The following MYO3B variants were observed in gnomAD, a reference collection of about 807,000 sequenced individuals.
MYO3B encodes myosin IIIB.
A neutral mutation model predicts 174.6 loss-of-function variants in MYO3B; 156 were observed. The ratio of observed to expected loss-of-function variants is 0.89; its 90% CI spans 0.78 to 1.02. The LOEUF is 1.02. Among genes scored for constraint, MYO3B ranks in the 50% least tolerant of loss-of-function variants. The pLI, the probability that MYO3B is intolerant of heterozygous loss-of-function variation, is 0.00. For synonymous variants in MYO3B, 563 were observed against 569.1 expected (o/e 0.99, Z 0.15); for missense variants, 1,632 against 1,639.4 (o/e 1.00, Z 0.08).
At chr2:170,413,028 G>T (rs2105831345) in intron 22 of MYO3B, among the ~76,000 whole-genome samples, 1 of 152,184 alleles carries the variant, frequency 6.6e-6, no homozygotes, top group East Asian at 1.9e-4. Context: ...CAAAGTCCCA[G>T]CTAGAATGGC....
Position 170,591,204 on chromosome 2 carries a change from C to T in MYO3B, c.3733+47216C>T, listed in dbSNP as rs1307191135. Among the ~76,000 whole-genome samples, 8 of 152,248 alleles carry T rather than the reference C, an allele frequency of 5.3e-5. No homozygotes were observed. In the East Asian group the frequency reaches 1.5e-3, roughly 29 times the overall value. ...AGGTTTTTGATTGCTCTCCTTTGAG[C>T]ATCAGCGGATTCCTGTGGACTTAAG... On this transcript the variant is annotated intron_variant, in intron 32 of 34. Coordinates refer to ENST00000408978, the MANE Select transcript of MYO3B (RefSeq NM_138995.5).
chr2:170,361,599 A>G (rs1208523465), intron 8 of MYO3B, among the ~76,000 whole-genome samples: 3 of 152,226 alleles, frequency 2.0e-5, no homozygotes, highest in Non-Finnish European at 4.4e-5. Context: ...TGCCAAGAAC[A>G]AGAATAAAAC....
chr2:170,428,383 TC>T (rs1022565165), intron 22 of MYO3B, among the ~76,000 whole-genome samples: 11 of 152,240 alleles, frequency 7.2e-5, no homozygotes, highest in Admixed American at 7.2e-4. Context: ...TTTTGTTCTT[TC>T]TTATTTCCCC....
intron 16 of MYO3B, among the ~76,000 whole-genome samples, chr2:170,397,493 G>A (rs17425864): frequency 0.047 from 7,107 of 152,166 alleles, 214 homozygotes; most frequent in Non-Finnish European, 0.069. Flanking sequence ...GTTGTTTCAC[G>A]TATAGAAAAT....
At chr2:170,647,045 T>C (rs1358190472) in intron 32 of MYO3B, 1 of 545,380 alleles carries the variant, frequency 1.8e-6, no homozygotes, top group Non-Finnish European at 3.2e-6. Flanking sequence ...ATTAAACGCA[T>C]GCATGTCACT....
At chr2:170,613,188 G>A (rs1695226453) in intron 32 of MYO3B, among the ~76,000 whole-genome samples, 2 of 152,094 alleles carry the variant, frequency 1.3e-5, no homozygotes, top group Non-Finnish European at 2.9e-5. Flanking sequence ...CTCACTCTCA[G>A]CAATGACTTT....
At chr2:170,432,653 T>G (rs1051310731) in intron 22 of MYO3B, among the ~76,000 whole-genome samples, 1 of 151,706 alleles carries the variant, frequency 6.6e-6, no homozygotes, top group Non-Finnish European at 1.5e-5. Context: ...CTCGGCTCAC[T>G]GCAAGCTCCG....
chr2:170,268,355 G>A (rs1231558192), intron 7 of MYO3B, among the ~76,000 whole-genome samples: 1 of 152,226 alleles, frequency 6.6e-6, no homozygotes, highest in Non-Finnish European at 1.5e-5. Context: ...GGCCAAGGTA[G>A]TGTGGGCAGA....
chr2:170,340,749 T>C (rs995191955), intron 8 of MYO3B: 18 of 152,186 alleles, frequency 1.2e-4, no homozygotes, highest in African/African-American at 4.3e-4. Flanking sequence ...TCTGATTATA[T>C]GGCAGGTCAC....
chr2:170,338,458 G>C (rs762651644), intron 8 of MYO3B, among the ~76,000 whole-genome samples: 18 of 151,944 alleles, frequency 1.2e-4, no homozygotes, highest in Non-Finnish European at 2.5e-4. Context: ...CTCCAATCCT[G>C]TTTTCCCATA....
chr2:170,187,987 G>C (rs941171450), intron 1 of MYO3B, among the ~76,000 whole-genome samples: 3 of 152,134 alleles, frequency 2.0e-5, no homozygotes, highest in African/African-American at 7.2e-5. Context: ...GGTCCATTTG[G>C]TCTGTAATGC....
At chr2:170,246,566 ACG>A (rs1491473978) in intron 7 of MYO3B, among the ~76,000 whole-genome samples, 1 of 151,002 alleles carries the variant, frequency 6.6e-6, no homozygotes, top group African/African-American at 2.5e-5. Flanking sequence ...ACACACACAC[ACG>A]AACATCATAT....
At chr2:170,484,088 G>T (rs1407428090) in intron 25 of MYO3B, among the ~76,000 whole-genome samples, 1 of 152,210 alleles carries the variant, frequency 6.6e-6, no homozygotes, top group African/African-American at 2.4e-5. Flanking sequence ...GGTAGGAGAA[G>T]AGAAAAATAG....
At chr2:170,464,407 G>T (rs1184162119) in intron 24 of MYO3B, among the ~76,000 whole-genome samples, 2 of 150,982 alleles carry the variant, frequency 1.3e-5, no homozygotes, top group Admixed American at 1.3e-4. Context: ...AGGGATAGCA[G>T]AATGAGGTAG....
At chr2:170,630,721 A>G (rs1051375036) in intron 32 of MYO3B, among the ~76,000 whole-genome samples, 1 of 152,292 alleles carries the variant, frequency 6.6e-6, no homozygotes, top group African/African-American at 2.4e-5. Flanking sequence ...AGGCAGCAAC[A>G]TTTGCTGTTC....
At chr2:170,566,301 G>A (rs999481378) in intron 32 of MYO3B, among the ~76,000 whole-genome samples, 19 of 152,126 alleles carry the variant, frequency 1.2e-4, no homozygotes, top group African/African-American at 3.6e-4. Flanking sequence ...TGATTATTTC[G>A]GGTTGAAAGT....
intron 32 of MYO3B, among the ~76,000 whole-genome samples, chr2:170,632,348 G>A (rs1697068662): frequency 6.6e-6 from 1 of 152,090 alleles, no homozygotes; most frequent in Non-Finnish European, 1.5e-5. Flanking sequence ...TCAACTACAT[G>A]GAAACTGAAC....
intron 20 of MYO3B, among the ~76,000 whole-genome samples, chr2:170,404,946 C>A (rs1230735123): frequency 1.3e-5 from 2 of 152,236 alleles, no homozygotes; most frequent in African/African-American, 4.8e-5. Context: ...GTACCCTATT[C>A]TTGAATCTTC....
chr2:170,321,721 G>A (rs35585936), intron 7 of MYO3B, among the ~76,000 whole-genome samples: 58,149 of 151,936 alleles, frequency 0.38, 13,787 homozygotes, highest in East Asian at 0.59. Context: ...TAATGTTGAT[G>A]TATTTATTTT....
Sources: gnomAD v4.1 joint callset for allele counts (sites outside exome capture counted in the v4.1 genomes callset) on GRCh38, gnomAD v4.1.1 for gene constraint, MANE v1.5 for transcripts, NCBI Gene and HGNC (gene_info 2026-07-23, HGNC 2026-07-21) for gene names.